The following KATNAL2 variants were observed in gnomAD, a reference collection of about 807,000 sequenced individuals.
KATNAL2 encodes the protein katanin p60 ATPase-containing subunit A-like 2.
In KATNAL2, 52 loss-of-function variants were observed where a neutral mutation model predicts 76.3. The ratio of observed to expected loss-of-function variants is 0.68; its 90% CI spans 0.55 to 0.86. The LOEUF is 0.86. Ranked by LOEUF, KATNAL2 falls within the 40% of genes least tolerant of loss-of-function variation. The pLI, the probability that KATNAL2 is intolerant of heterozygous loss-of-function variation, is 0.00. For missense variants in KATNAL2, 660 were observed against 668.9 expected (o/e 0.99, Z 0.15); for synonymous variants, 243 against 244.2 (o/e 1.00, Z 0.05).
chr18:47,067,924 A>T (rs2061864402), intron 11 of KATNAL2, among the ~76,000 whole-genome samples: 1 of 152,158 alleles, frequency 6.6e-6, no homozygotes, highest in Admixed American at 6.5e-5. Flanking sequence ...GAGAGACTGA[A>T]AAGGCTGGGA....
At chr18:47,040,042 T>C (rs1396089700) in intron 3 of KATNAL2, among the ~76,000 whole-genome samples, 1 of 152,218 alleles carries the variant, frequency 6.6e-6, no homozygotes, top group Non-Finnish European at 1.5e-5. Context: ...GACTTTTACA[T>C]GCATATGAAA....
chr18:46,929,297 C>T (rs2058832841), intron 1 of KATNAL2, among the ~76,000 whole-genome samples: 1 of 151,920 alleles, frequency 6.6e-6, no homozygotes, highest in Non-Finnish European at 1.5e-5. Flanking sequence ...GGCTGGAGTG[C>T]AATGGCATGA....
At chr18:46,924,856 T>C (rs147923542) in intron 1 of KATNAL2, among the ~76,000 whole-genome samples, 2,865 of 152,326 alleles carry the variant, frequency 0.019, 77 homozygotes, top group African/African-American at 0.064. Context: ...CAATTGTGAA[T>C]GGGAGTTCAC....
chr18:47,066,765 T>C (rs950666518), intron 10 of KATNAL2, among the ~76,000 whole-genome samples: 1 of 148,688 alleles, frequency 6.7e-6, no homozygotes, highest in South Asian at 2.2e-4. Flanking sequence ...GTGTTATCAA[T>C]GTCTTCTTCA....
At chr18:46,954,737 G>A (rs1472120469) in intron 3 of KATNAL2, among the ~76,000 whole-genome samples, 2 of 151,724 alleles carry the variant, frequency 1.3e-5, no homozygotes, top group South Asian at 4.2e-4. Context: ...TCTGCCTCCT[G>A]GGTTCAAGCA....
chr18:47,035,635 C>A (rs927416728), intron 3 of KATNAL2: 3 of 444,204 alleles, frequency 6.8e-6, no homozygotes, highest in Non-Finnish European at 8.5e-6. Flanking sequence ...TCTTGGGCTG[C>A]CCCGCCCCCA....
At chr18:47,058,125 A>T (rs79329769) in intron 6 of KATNAL2, 110 bp from the exon 7 acceptor site, 1 of 785,484 alleles carries the variant, frequency 1.3e-6, no homozygotes. Flanking sequence ...TGCCACCTGC[A>T]TATCTTTCAA....
At chr18:47,066,848 TATATATATATATATATATATA>T (rs1318672047) in intron 10 of KATNAL2, among the ~76,000 whole-genome samples, 152 bp from the exon 11 acceptor site, 6 of 14,880 alleles carry the variant, frequency 4.0e-4, no homozygotes, top group Admixed American at 1.6e-3. Flanking sequence ...TATATGTGTT[TATATATATATATATATATATA>T]TATATATATA....
At chr18:47,097,906 T>A (rs1184348304) in intron 15 of KATNAL2, among the ~76,000 whole-genome samples, 1 of 152,104 alleles carries the variant, frequency 6.6e-6, no homozygotes, top group African/African-American at 2.4e-5. Context: ...ACTGGAGAAA[T>A]CTGAATATGG....
rs933726682 is a variant in KATNAL2 at position 46,950,395 on chromosome 18, G to A, written c.51+3472G>A. Among the ~76,000 whole-genome samples, 8 of 152,194 alleles carry A rather than the reference G, an allele frequency of 5.3e-5. No individual in the cohort carries two copies. In the South Asian group the frequency reaches 1.2e-3, roughly 24 times the overall value. ...GTGTTAGATATAAAGAGGACTGCAC[G>A]TCCACAAGACATTCTGATTACCTAC... On this transcript the variant is annotated intron_variant, in intron 3 of 17. Coordinates refer to ENST00000683218, the MANE Select transcript of KATNAL2 (RefSeq NM_001387690.1).
At chr18:47,044,507 C>CCAGCACTTTGGGCCCTACCT (rs1283052692) in intron 3 of KATNAL2, among the ~76,000 whole-genome samples, 12 of 152,028 alleles carry the variant, frequency 7.9e-5, no homozygotes, top group African/African-American at 2.9e-4. Context: ...GCCTGTAATC[C>CCAGCACTTTGGGCCCTACCT]CAGCACTTTG....
intron 11 of KATNAL2, among the ~76,000 whole-genome samples, chr18:47,067,404 C>T (rs2061847131): frequency 6.6e-6 from 1 of 152,136 alleles, no homozygotes; most frequent in Non-Finnish European, 1.5e-5. Flanking sequence ...TTCAAATTAG[C>T]CTGCTCCCTT....
chr18:47,078,473 A>G (rs2062349708), intron 15 of KATNAL2, among the ~76,000 whole-genome samples: 1 of 152,230 alleles, frequency 6.6e-6, no homozygotes, highest in Non-Finnish European at 1.5e-5. Context: ...AAGATATAGG[A>G]TCTATATATA....
intron 1 of KATNAL2, among the ~76,000 whole-genome samples, chr18:46,926,182 G>A (rs1382854700): frequency 6.6e-6 from 1 of 152,056 alleles, no homozygotes; most frequent in Non-Finnish European, 1.5e-5. Context: ...ATGTTAGGGT[G>A]TCAATTTTAG....
intron 1 of KATNAL2, among the ~76,000 whole-genome samples, chr18:46,924,935 A>G (rs2146506949): frequency 1.3e-5 from 2 of 152,284 alleles, no homozygotes; most frequent in South Asian, 4.1e-4. Flanking sequence ...TTGATTTTGT[A>G]TCCTGAGACT....
chr18:47,061,630 G>C (rs2061635210), intron 8 of KATNAL2, among the ~76,000 whole-genome samples: 1 of 152,166 alleles, frequency 6.6e-6, no homozygotes, highest in Non-Finnish European at 1.5e-5. Flanking sequence ...TTGTTCTTGA[G>C]GGCATAGGCT....
At chr18:47,031,618 A>T (rs899363128) in intron 3 of KATNAL2, among the ~76,000 whole-genome samples, 4 of 152,262 alleles carry the variant, frequency 2.6e-5, no homozygotes, top group African/African-American at 9.6e-5. Flanking sequence ...ATCGTAGTGT[A>T]ATACTGGCAA....
At chr18:47,064,841 C>T (rs1483714800) in intron 10 of KATNAL2, among the ~76,000 whole-genome samples, 1 of 152,108 alleles carries the variant, frequency 6.6e-6, no homozygotes, top group African/African-American at 2.4e-5. Context: ...TGAGGTAGTC[C>T]TGTTGAGTTC....
chr18:47,042,865 T>C (rs894356921), intron 3 of KATNAL2, among the ~76,000 whole-genome samples: 2 of 152,180 alleles, frequency 1.3e-5, no homozygotes, highest in Non-Finnish European at 2.9e-5. Context: ...AGCTTGACAA[T>C]GGCTAGGCAG....
Sources: allele counts gnomAD v4.1 joint callset (sites outside exome capture counted in the v4.1 genomes callset), GRCh38; gene constraint gnomAD v4.1.1; transcripts MANE v1.5; gene names NCBI Gene and HGNC (gene_info 2026-07-23, HGNC 2026-07-21).